ERG: variants seen among roughly 807,000 people sequenced by gnomAD.
ERG encodes ETS transcription factor ERG.
A neutral mutation model predicts 55.3 loss-of-function variants in ERG; 9 were observed. That is an observed-to-expected ratio of 0.16 (90% CI 0.10 to 0.28). The LOEUF is 0.28. ERG is among the 10% of genes least tolerant of loss of function. The pLI is 1.00. For synonymous variants in ERG, 223 were observed against 237.3 expected (o/e 0.94, Z 0.55); for missense variants, 434 against 631.6 (o/e 0.69, Z 3.35).
chr21:38,600,205 C>A (rs903278903), intron 1 of ERG, among the ~76,000 whole-genome samples: 2 of 152,058 alleles, frequency 1.3e-5, no homozygotes, highest in Admixed American at 1.3e-4. Context: ...GCTTTGGCTA[C>A]CCTGGGGCTG....
chr21:38,648,711 G>A (rs1054542769), intron 1 of ERG, among the ~76,000 whole-genome samples: 4 of 152,184 alleles, frequency 2.6e-5, no homozygotes, highest in African/African-American at 4.8e-5. Flanking sequence ...AATCCACTCC[G>A]ATTCCCCCTC....
intron 2 of ERG, among the ~76,000 whole-genome samples, chr21:38,525,060 GT>G (rs796519915): frequency 2.0e-5 from 3 of 152,344 alleles, no homozygotes; most frequent in African/African-American, 7.2e-5. Context: ...ATTGGAAAGA[GT>G]AGGGGTAGAT....
intron 2 of ERG, among the ~76,000 whole-genome samples, chr21:38,533,249 C>T (rs770393185): frequency 8.6e-5 from 13 of 152,010 alleles, no homozygotes; most frequent in Non-Finnish European, 1.9e-4. Context: ...AGTGTTCTTA[C>T]CATAGAATTC....
At chr21:38,386,778 C>A (rs901764219) in intron 9 of ERG, among the ~76,000 whole-genome samples, 1 of 144,022 alleles carries the variant, frequency 6.9e-6, no homozygotes, top group Non-Finnish European at 1.5e-5. Context: ...TTGGGTAAAC[C>A]CTTCAGATCT....
At chr21:38,608,945 A>T (rs1450448421) in intron 1 of ERG, among the ~76,000 whole-genome samples, 1 of 152,212 alleles carries the variant, frequency 6.6e-6, no homozygotes, top group Non-Finnish European at 1.5e-5. Flanking sequence ...ACTCATCTGG[A>T]TATACATAGA....
chr21:38,544,596 G>A (rs1479038351), intron 2 of ERG, among the ~76,000 whole-genome samples: 4 of 152,084 alleles, frequency 2.6e-5, no homozygotes, highest in East Asian at 1.9e-4. Flanking sequence ...GAAGAGAGGC[G>A]ACTTTACATT....
At chr21:38,505,689 C>G (rs1164073363) in intron 2 of ERG, among the ~76,000 whole-genome samples, 1 of 152,140 alleles carries the variant, frequency 6.6e-6, no homozygotes, top group African/African-American at 2.4e-5. Context: ...TGCGCGGTTG[C>G]CTGGTGGAGA....
intron 2 of ERG, among the ~76,000 whole-genome samples, chr21:38,534,030 C>T (rs1382437978): frequency 6.6e-6 from 1 of 152,146 alleles, no homozygotes; most frequent in Non-Finnish European, 1.5e-5. Flanking sequence ...TTCACTTATA[C>T]TAAACACTTC....
intron 2 of ERG, among the ~76,000 whole-genome samples, chr21:38,566,730 T>C (rs185617194): frequency 3.3e-5 from 5 of 152,338 alleles, no homozygotes; most frequent in Admixed American, 3.3e-4. Context: ...ACATGGTTCC[T>C]TTTATAAATA....
intron 1 of ERG, among the ~76,000 whole-genome samples, chr21:38,641,128 C>T: frequency 6.6e-6 from 1 of 152,204 alleles, no homozygotes; most frequent in South Asian, 2.1e-4. Context: ...CATGTACCAC[C>T]AGTTTGCTTC....
chr21:38,374,630 G>T, the ERG span, among the ~76,000 whole-genome samples: 3 of 152,106 alleles, frequency 2.0e-5, no homozygotes, highest in African/African-American at 7.2e-5. Flanking sequence ...GTCTGTGGCT[G>T]TTACTATAAC....
At chr21:38,555,653 A>C (rs1369632367) in intron 2 of ERG, among the ~76,000 whole-genome samples, 1 of 152,148 alleles carries the variant, frequency 6.6e-6, no homozygotes, top group Admixed American at 6.5e-5. Context: ...AAAGAAGAAA[A>C]ATTCAAGTCC....
intron 2 of ERG, among the ~76,000 whole-genome samples, chr21:38,564,934 T>G (rs781022657): frequency 9.9e-5 from 15 of 152,106 alleles, no homozygotes; most frequent in Non-Finnish European, 2.1e-4. Context: ...ACCTCTAGAC[T>G]CATATCAACC....
chr21:38,583,361 G>A (rs2060041974), intron 1 of ERG, among the ~76,000 whole-genome samples: 1 of 152,210 alleles, frequency 6.6e-6, no homozygotes, highest in African/African-American at 2.4e-5. Context: ...AGTACCTAAA[G>A]GGGAGCACCG....
rs2146503352 is a variant in ERG at position 38,423,504 on chromosome 21, G to A, written c.294C>T (p.Asp98=). The A allele has an allele frequency of 6.2e-7, 1 of 1,614,176 alleles. No homozygotes were observed. The highest frequency in any genetic ancestry group is 8.5e-7 in the Non-Finnish European group (1 of 1,180,000). The change falls in exon 3 of 10, where the codon GAC becomes GAT. Residue 98 remains aspartate (D), a synonymous_variant. Transcript: ENST00000288319. ...AGCTGCCGTAGTTCATCCCAACGGT[G>A]TCTGGGCTGCCCACCATCTTCCCGC... ...AKGGKMVGSP[D]TVGMNYGSYM...
chr21:38,411,557 C>T (rs1413476415), intron 3 of ERG, among the ~76,000 whole-genome samples: 1 of 152,202 alleles, frequency 6.6e-6, no homozygotes, highest in African/African-American at 2.4e-5. Flanking sequence ...ATCCACCCAC[C>T]TCGGCCTCCC....
At chr21:38,645,772 C>A (rs891096978) in intron 1 of ERG, among the ~76,000 whole-genome samples, 1 of 152,176 alleles carries the variant, frequency 6.6e-6, no homozygotes, top group Non-Finnish European at 1.5e-5. Context: ...ATGTATGTCC[C>A]TTTTACATTC....
At chr21:38,432,416 T>A (rs181087356) in intron 2 of ERG, among the ~76,000 whole-genome samples, 42 of 152,294 alleles carry the variant, frequency 2.8e-4, no homozygotes, top group African/African-American at 9.9e-4. Context: ...GATTTTAAAT[T>A]CAAATTTACC....
At chr21:38,400,484 C>T in intron 6 of ERG, 90 bp downstream of exon 6, 2 of 1,021,800 alleles carry the variant, frequency 2.0e-6, no homozygotes, top group South Asian at 1.3e-5. Context: ...GGGATCAGCT[C>T]TCTTTGTATC....
Sources: allele counts gnomAD v4.1 joint callset (sites outside exome capture counted in the v4.1 genomes callset), GRCh38; gene constraint gnomAD v4.1.1; transcripts MANE v1.5; gene names NCBI Gene and HGNC (gene_info 2026-07-23, HGNC 2026-07-21).